The following RIMS1 variants were observed in gnomAD, a reference collection of about 807,000 sequenced individuals.
The protein encoded by RIMS1 is regulating synaptic membrane exocytosis 1, also known as regulating synaptic membrane exocytosis protein 1.
A neutral mutation model predicts 214.1 loss-of-function variants in RIMS1; 83 were observed. That is an observed-to-expected ratio of 0.39 (90% confidence interval 0.32 to 0.47). RIMS1 has a LOEUF of 0.47. Ranked by LOEUF, RIMS1 falls within the 20% of genes least tolerant of loss-of-function variation. RIMS1 has a pLI of 0.99. For synonymous variants in RIMS1, 793 were observed against 786.8 expected, an observed-to-expected ratio of 1.01 and a Z score of -0.13; for missense variants, 2,050 against 2,161.8, an observed-to-expected ratio of 0.95 and a Z score of 1.03.
intron 1 of RIMS1, among the ~76,000 whole-genome samples, chr6:71,948,682 GTAA>G (rs1332843015): frequency 6.6e-6 from 1 of 152,110 alleles, no homozygotes; most frequent in Non-Finnish European, 1.5e-5. Context: ...ATTATTACTA[GTAA>G]TACTACATAG....
chr6:72,323,409 A>T lies in RIMS1; in HGVS notation c.4130+9737A>T, dbSNP rs1220656883. On this transcript the variant is annotated intron_variant, in intron 28 of 33. Coordinates refer to ENST00000521978, the MANE Select transcript of RIMS1 (RefSeq NM_014989.7). The stretch of plus-strand genomic sequence containing the variant: ...CAAAGGAGGATGGATTATTTAACAG[A>T]GACCTGGAATCCATTTTAAAAAATT... 2.0e-5 allele frequency among the ~76,000 whole-genome samples: 3 copies of T among 152,204 alleles called. No individual in the cohort carries two copies. In the East Asian group the frequency reaches 5.8e-4, roughly 29 times the overall value.
chr6:72,254,458 G>T (rs1408089185), intron 16 of RIMS1, among the ~76,000 whole-genome samples: 2 of 152,082 alleles, frequency 1.3e-5, no homozygotes, highest in African/African-American at 2.4e-5. Context: ...ATTCATTTGG[G>T]ATATTCAAAT....
chr6:72,116,633 A>G (rs922332812), intron 4 of RIMS1, among the ~76,000 whole-genome samples: 106 of 152,094 alleles, frequency 7.0e-4, no homozygotes, highest in African/African-American at 2.5e-3. Context: ...AGGCTTTGTG[A>G]GCTTTACAGT....
intron 29 of RIMS1, among the ~76,000 whole-genome samples, chr6:72,362,829 A>G (rs1184834966): frequency 4.6e-5 from 7 of 152,184 alleles, no homozygotes; most frequent in African/African-American, 1.4e-4. Context: ...GTTGTAGCAC[A>G]GAGAATATAG....
chr6:72,367,990 G>C (rs1003387762), intron 29 of RIMS1, among the ~76,000 whole-genome samples: 2 of 151,966 alleles, frequency 1.3e-5, no homozygotes, highest in African/African-American at 4.8e-5. Flanking sequence ...CTTATCCGTG[G>C]AATAAAGGTA....
At chr6:72,164,743 A>G (rs2153941979) in intron 4 of RIMS1, among the ~76,000 whole-genome samples, 1 of 152,342 alleles carries the variant, frequency 6.6e-6, no homozygotes, top group Non-Finnish European at 1.5e-5. Flanking sequence ...TCTAGATACT[A>G]GAAGTTCAAC....
chr6:72,367,851 A>G (rs1370879113), intron 29 of RIMS1, among the ~76,000 whole-genome samples: 2 of 152,218 alleles, frequency 1.3e-5, no homozygotes, highest in Non-Finnish European at 2.9e-5. Context: ...GGTTTCATAG[A>G]TTATCCAAGA....
chr6:72,394,461 GGGTA>G (rs1206379484), intron 31 of RIMS1, among the ~76,000 whole-genome samples: 1 of 152,018 alleles, frequency 6.6e-6, no homozygotes, highest in Non-Finnish European at 1.5e-5. Context: ...TATGTAGTAG[GGGTA>G]GGAAGGCAGT....
At chr6:71,918,488 G>A (rs114817813) in intron 1 of RIMS1, among the ~76,000 whole-genome samples, 77 of 152,178 alleles carry the variant, frequency 5.1e-4, no homozygotes, top group African/African-American at 1.8e-3. Context: ...TAATTGGAGT[G>A]GATTCAAGAA....
chr6:72,342,543 C>A (rs550638187), intron 29 of RIMS1, among the ~76,000 whole-genome samples: 23 of 151,522 alleles, frequency 1.5e-4, no homozygotes, highest in African/African-American at 5.6e-4. Context: ...TGTAGCAGTC[C>A]TTTTTTCTTT....
chr6:72,042,707 T>C (rs1821791812), intron 2 of RIMS1, among the ~76,000 whole-genome samples: 1 of 151,842 alleles, frequency 6.6e-6, no homozygotes. Flanking sequence ...GTGCTTAGGA[T>C]TTACAAATAA....
rs1174347263 is a variant in RIMS1 at position 71,992,423 on chromosome 6, T to TTTCC, written c.245+23363_245+23364insCTTC. ...CTCTCTCTCTTTCTTTCTTTCTTTC[T>TTTCC]TTCTTTCTTTCTTTCTTTCTTTCTT... On this transcript the variant is annotated intron_variant, in intron 2 of 33. Transcript: ENST00000521978. Among the ~76,000 whole-genome samples, 84 of 75,026 alleles carry TTTCC rather than the reference T, an allele frequency of 1.1e-3. 1 individual carries two copies. Among genetic ancestry groups the TTTCC allele is most frequent in the African/African-American group, 5.0e-3 (83 of 16,616 alleles). 49.2% of individuals were successfully genotyped at this position (75,026 alleles called of 152,430 possible). A position where few individuals can be genotyped will look rare whatever the true frequency, so the allele number is the denominator to read the frequency against.
chr6:72,174,418 T>C (rs2496497), intron 4 of RIMS1, among the ~76,000 whole-genome samples: 72,818 of 152,054 alleles, frequency 0.48, 18,623 homozygotes, highest in East Asian at 0.83. Context: ...TTTTGCAAAT[T>C]ATACAGAGAG....
At chr6:72,231,347 G>A (rs2061893222) in intron 6 of RIMS1, among the ~76,000 whole-genome samples, 1 of 151,488 alleles carries the variant, frequency 6.6e-6, no homozygotes. Context: ...GATGAAATTA[G>A]TGATAAGAAA....
At chr6:71,964,731 G>A (rs948169412) in intron 1 of RIMS1, among the ~76,000 whole-genome samples, 2 of 152,092 alleles carry the variant, frequency 1.3e-5, no homozygotes, top group African/African-American at 4.8e-5. Context: ...GATTTTGAGA[G>A]GTCTGTTAAA....
At chr6:72,209,107 T>C (rs1266434317) in intron 6 of RIMS1, among the ~76,000 whole-genome samples, 1 of 152,242 alleles carries the variant, frequency 6.6e-6, no homozygotes, top group Non-Finnish European at 1.5e-5. Context: ...TTCATTTATA[T>C]TATAAATGGC....
At chr6:72,103,390 A>G (rs1027313743) in intron 4 of RIMS1, among the ~76,000 whole-genome samples, 7 of 152,046 alleles carry the variant, frequency 4.6e-5, no homozygotes, top group African/African-American at 1.7e-4. Flanking sequence ...CATATTGCAT[A>G]TTATTGCATA....
intron 23 of RIMS1, among the ~76,000 whole-genome samples, chr6:72,278,700 A>G (rs1408839713): frequency 1.3e-5 from 2 of 152,108 alleles, no homozygotes; most frequent in South Asian, 2.1e-4. Flanking sequence ...GAACTAAAAT[A>G]TGGTGAGTCT....
chr6:72,265,317 G>T, intron 20 of RIMS1, 73 bp from the exon 21 acceptor site: 1 of 847,722 alleles, frequency 1.2e-6, no homozygotes, highest in Admixed American at 2.4e-5. Context: ...TTTGTCATTT[G>T]TATATTGTTG....
Sources: gnomAD v4.1 joint callset for allele counts (sites outside exome capture counted in the v4.1 genomes callset) on GRCh38, gnomAD v4.1.1 for gene constraint, MANE v1.5 for transcripts, NCBI Gene and HGNC (gene_info 2026-07-23, HGNC 2026-07-21) for gene names.